Variants in GGH observed in about 807,000 individuals in gnomAD.
GGH encodes the protein gamma-glutamyl hydrolase, also known as gamma-Glu-X carboxypeptidase.
In GGH, 18 loss-of-function variants were observed where a neutral mutation model predicts 39.2. That is an observed-to-expected ratio of 0.46 (90% confidence interval 0.32 to 0.68). GGH has a LOEUF of 0.68. GGH is among the 30% of genes least tolerant of loss of function. The probability of loss-of-function intolerance (pLI) is 0.04; values close to 1 mark genes in which losing one functional copy is unlikely to be tolerated. For synonymous variants in GGH, 147 were observed against 138.8 expected, an observed-to-expected ratio of 1.06 and a Z score of -0.42; for missense variants, 367 against 384.1, an observed-to-expected ratio of 0.96 and a Z score of 0.37.
At chr8:63,038,598 A>T in intron 1 of GGH, 62 bp downstream of exon 1, 17 of 444,660 alleles carry the variant, frequency 3.8e-5, no homozygotes, top group Non-Finnish European at 5.1e-5. Flanking sequence ...CGGCGGCGGG[A>T]GGCGCCCAGC....
intron 4 of GGH, 41 bp downstream of exon 4, chr8:63,027,140 C>T (rs1040026220): frequency 5.2e-6 from 5 of 953,530 alleles, no homozygotes; most frequent in Admixed American, 5.1e-5. Context: ...CAAAAACTTA[C>T]AGAAACCCAT....
intron 2 of GGH, among the ~76,000 whole-genome samples, chr8:63,031,312 G>A (rs1019761957): frequency 3.9e-5 from 6 of 152,194 alleles, no homozygotes; most frequent in African/African-American, 1.4e-4. Flanking sequence ...TCTTCCTGGC[G>A]AGAGCCACAA....
intron 2 of GGH, among the ~76,000 whole-genome samples, chr8:63,033,602 T>C (rs923170736): frequency 2.0e-5 from 3 of 151,726 alleles, no homozygotes; most frequent in Non-Finnish European, 4.4e-5. Flanking sequence ...CTTTCAGTTA[T>C]GATTTTACTT....
intron 5 of GGH, chr8:63,025,260 T>C (rs1280960044): frequency 1.3e-5 from 2 of 152,206 alleles, no homozygotes; most frequent in African/African-American, 2.4e-5. Context: ...TGAAGACTAA[T>C]CATCAGAAAA....
Position 63,037,317 on chromosome 8 carries a change from G to A in GGH, c.109+1343C>T, listed in dbSNP as rs75636728. 4.0e-4 allele frequency among the ~76,000 whole-genome samples: 61 copies of A among 152,268 alleles called. No homozygotes were observed. The East Asian group carries it at 9.3e-3, about 23-fold the overall frequency. ...GAAATGGAGTGGTACAGGGTACATG[G>A]GGTGAGGTACCACAAAGGAGACATG... On this transcript the variant is annotated intron_variant, in intron 1 of 8. Coordinates refer to ENST00000260118, the MANE Select transcript of GGH (RefSeq NM_003878.3).
rs752057959 is a variant in GGH, at chr8:63,021,669, C to CTTT, written c.697+2235_697+2237dup. On this transcript the variant is annotated intron_variant, in intron 7 of 8. Transcript: ENST00000260118. ...ATGGTATCCATTCAAATCTCATATC[C>CTTT]TTTTTTTTTTTTTTTTTTTTTTTGA... is the stretch of plus-strand genomic sequence containing the variant. 5.1e-3 allele frequency among the ~76,000 whole-genome samples: 480 copies of CTTT among 93,286 alleles called. 25 individuals are homozygous for CTTT. Among genetic ancestry groups the CTTT allele is most frequent in the African/African-American group, 0.018 (408 of 22,056 alleles). The allele number at this position is 93,286 out of a possible 152,430, so 61.2% of individuals were successfully genotyped here. A position where few individuals can be genotyped will look rare whatever the true frequency, so the allele number is the denominator to read the frequency against.
At chr8:63,020,340 A>G (rs1042774440) in intron 7 of GGH, among the ~76,000 whole-genome samples, 1 of 152,202 alleles carries the variant, frequency 6.6e-6, no homozygotes, top group Non-Finnish European at 1.5e-5. Context: ...ATGGAACCTG[A>G]TTTCCTAACT....
intron 8 of GGH, among the ~76,000 whole-genome samples, chr8:63,016,527 G>A (rs148814796): frequency 3.8e-4 from 58 of 152,210 alleles, no homozygotes; most frequent in East Asian, 1.4e-3. Context: ...GATCTCTACC[G>A]TTTACAAGTT....
chr8:63,021,602 C>A (rs1444848538), intron 7 of GGH, among the ~76,000 whole-genome samples: 1 of 151,142 alleles, frequency 6.6e-6, no homozygotes, highest in African/African-American at 2.4e-5. Context: ...AGCAACTTAT[C>A]TCACCAAGCC....
chr8:63,024,458 A>T, intron 5 of GGH: 2 of 290,058 alleles, frequency 6.9e-6, no homozygotes, highest in South Asian at 1.4e-4. Context: ...GGCAAGCTAA[A>T]GAACAGGCAG....
Position 63,026,249 on chromosome 8 carries a change from T to A in GGH, c.408A>T (p.Gly136=), listed in dbSNP as rs140437833. 180 of 1,610,736 alleles carry A rather than the reference T, an allele frequency of 1.1e-4. No individual in the cohort carries two copies. The highest frequency in any genetic ancestry group is 1.5e-4 in the Non-Finnish European group (176 of 1,177,770). ...DYFPVWGTCL[G]FEELSLLISG... ...TAATCAGCAGTGAAAGCTCTTCAAA[T>A]CCAAGGCATGTGCCCCACACAGGAA... The change falls in exon 5 of 9, where the codon GGA becomes GGT. Residue 136 remains glycine, a synonymous_variant. Transcript: ENST00000260118.
Position 63,023,951 on chromosome 8 carries a change from G to GT in GGH, c.652dup (p.Thr218AsnfsTer9), listed in dbSNP as rs776438786. The stretch of plus-strand genomic sequence containing the variant: ...CTCAATCTTGCCATCTGTATTTGTA[G>GT]TTAAGACATTGAAAAACTTCTTTAA... On this transcript the variant is annotated frameshift_variant, in exon 7 of 9. Transcript: ENST00000260118. LOFTEE classifies it high-confidence loss of function. 6.3e-7 allele frequency: 1 copy of GT among 1,595,838 alleles called. No individual in the cohort carries two copies. The highest frequency in any genetic ancestry group is 2.2e-5 in the East Asian group (1 of 44,608).
intron 1 of GGH, among the ~76,000 whole-genome samples, 173 bp from the exon 2 acceptor site, chr8:63,035,943 T>A (rs988302814): frequency 6.6e-6 from 1 of 152,188 alleles, no homozygotes; most frequent in Non-Finnish European, 1.5e-5. Context: ...GGGAGGCTGA[T>A]CTTACTTTCA....
At chr8:63,029,592 T>G (rs1378449312) in intron 3 of GGH, among the ~76,000 whole-genome samples, 3 of 152,116 alleles carry the variant, frequency 2.0e-5, no homozygotes, top group Non-Finnish European at 4.4e-5. Context: ...TCAATAGGTA[T>G]TGCAATATTA....
chr8:63,021,696 G>T (rs544078471), intron 7 of GGH, among the ~76,000 whole-genome samples: 25 of 85,210 alleles, frequency 2.9e-4, no homozygotes, highest in Non-Finnish European at 5.4e-4. Context: ...TTTTTTTGAG[G>T]CAGAGTCTCG....
intron 3 of GGH, 34 bp downstream of exon 3, chr8:63,030,133 C>T (rs1195633762): frequency 1.1e-6 from 1 of 945,440 alleles, no homozygotes; most frequent in Admixed American, 1.8e-5. Context: ...GTAGACCACT[C>T]ATATACCGTA....
chr8:63,026,346 T>C (rs1311452601), intron 4 of GGH, 50 bp from the exon 5 acceptor site: 14 of 1,461,674 alleles, frequency 9.6e-6, no homozygotes, highest in Non-Finnish European at 1.2e-5. Context: ...CTTTTCAAAA[T>C]AAAAATTAGC....
At chr8:63,019,090 C>T (rs572479147) in intron 7 of GGH, among the ~76,000 whole-genome samples, 5 of 152,178 alleles carry the variant, frequency 3.3e-5, no homozygotes, top group East Asian at 1.9e-4. Context: ...ATGGTAAAAC[C>T]GCTGATGCTT....
At chr8:63,019,239 T>C (rs761127338) in intron 7 of GGH, among the ~76,000 whole-genome samples, 1 of 152,228 alleles carries the variant, frequency 6.6e-6, no homozygotes. Context: ...ATATGTATCT[T>C]GTTCGTGTCT....
Sources: allele counts gnomAD v4.1 joint callset (sites outside exome capture counted in the v4.1 genomes callset), GRCh38; gene constraint gnomAD v4.1.1; transcripts MANE v1.5; gene names NCBI Gene and HGNC (gene_info 2026-07-23, HGNC 2026-07-21).